C11orf65: variants seen among roughly 807,000 people sequenced by gnomAD.
C11orf65 encodes protein MFI.
A neutral mutation model predicts 35.3 loss-of-function variants in C11orf65; 38 were observed. The ratio of observed to expected loss-of-function variants is 1.08; its 90% CI spans 0.83 to 1.41. The LOEUF (loss-of-function observed/expected upper bound fraction) is 1.41, where lower values mean the gene tolerates loss of function less well. Ranked by LOEUF, C11orf65 falls within the 40% of genes most tolerant of loss-of-function variation. The probability of loss-of-function intolerance (pLI) is 0.00; values close to 1 mark genes in which losing one functional copy is unlikely to be tolerated. For missense variants in C11orf65, 370 were observed against 367.1 expected (o/e 1.01, Z -0.06); for synonymous variants, 105 against 114.4 (o/e 0.92, Z 0.53).
At chr11:108,457,254 A>G (rs1049376424) in intron 2 of C11orf65, among the ~76,000 whole-genome samples, 3 of 152,186 alleles carry the variant, frequency 2.0e-5, no homozygotes, top group Non-Finnish European at 4.4e-5. Context: ...TCTTTGCAGA[A>G]AGCCAACAGA....
rs971053386 is a variant in C11orf65 at position 108,382,930 on chromosome 11, A to T, written c.*91T>A. ...GATTCTGTGCCCAGAATATATACAC[A>T]AGTTATTCCAGTCAGAATACACTAT... On this transcript the variant is annotated 3_prime_UTR_variant, in exon 9 of 9. Coordinates refer to ENST00000393084, the MANE Select transcript of C11orf65 (RefSeq NM_152587.5). 3 of 1,571,122 alleles carry T rather than the reference A, an allele frequency of 1.9e-6. No homozygotes were observed. In the African/African-American group the frequency reaches 4.1e-5, roughly 22 times the overall value.
At chr11:108,430,378 A>T (rs2092969328) in intron 3 of C11orf65, among the ~76,000 whole-genome samples, 1 of 148,098 alleles carries the variant, frequency 6.8e-6, no homozygotes, top group Non-Finnish European at 1.5e-5. Context: ...TGACCTCGTG[A>T]TCCGCCCGCC....
At chr11:108,315,082 A>G (rs1453469321) in intron 6 of C11orf65, among the ~76,000 whole-genome samples, 2 of 152,228 alleles carry the variant, frequency 1.3e-5, no homozygotes, top group Non-Finnish European at 2.9e-5. Context: ...CAGTAAACAC[A>G]GTGAAAAAAT....
At chr11:108,351,653 C>T (rs1167834554) in intron 2 of C11orf65, among the ~76,000 whole-genome samples, 1 of 152,112 alleles carries the variant, frequency 6.6e-6, no homozygotes, top group Non-Finnish European at 1.5e-5. Context: ...GTGTCCTGGA[C>T]CTACTCAGCA....
downstream of C11orf65, among the ~76,000 whole-genome samples, chr11:108,381,744 T>C (rs1470250561): frequency 6.6e-6 from 1 of 152,248 alleles, no homozygotes; most frequent in Non-Finnish European, 1.5e-5. Context: ...AGATTGTTCC[T>C]TTTCTCTTTG....
At chr11:108,332,927 T>C (rs2136576845) in intron 3 of C11orf65, 1 of 1,604,048 alleles carries the variant, frequency 6.2e-7, no homozygotes, top group Non-Finnish European at 8.5e-7. Flanking sequence ...GAAGAAACGT[T>C]ACTTTCTTGC....
At chr11:108,440,942 G>A (rs1367793786) in intron 2 of C11orf65, among the ~76,000 whole-genome samples, 1 of 152,192 alleles carries the variant, frequency 6.6e-6, no homozygotes, top group Non-Finnish European at 1.5e-5. Context: ...GCATTTCCAA[G>A]TGAGGTACCG....
At chr11:108,341,438 A>G (rs552884812) in intron 2 of C11orf65, among the ~76,000 whole-genome samples, 1 of 152,266 alleles carries the variant, frequency 6.6e-6, no homozygotes, top group South Asian at 2.1e-4. Flanking sequence ...CACCAGAATG[A>G]AACTTTATGA....
intron 6 of C11orf65, among the ~76,000 whole-genome samples, chr11:108,313,180 GTGCTT>G (rs1294931420): frequency 2.0e-5 from 3 of 152,108 alleles, no homozygotes. Flanking sequence ...AATTCTTCCT[GTGCTT>G]TGTTTTTTTA....
chr11:108,390,387 C>T (rs540981105), intron 7 of C11orf65, among the ~76,000 whole-genome samples: 1 of 152,246 alleles, frequency 6.6e-6, no homozygotes, highest in South Asian at 2.1e-4. Context: ...CGGATGATGG[C>T]GGGGAAAGTC....
Position 108,456,198 on chromosome 11 carries a change from T to C in C11orf65, c.81+5281A>G, listed in dbSNP as rs538131234. Among the ~76,000 whole-genome samples the C allele has an allele frequency of 9.2e-5, 14 of 152,128 alleles. No individual in the cohort carries two copies. The South Asian group carries it at 2.7e-3, about 29-fold the overall frequency. ...ACACAAATAGACCAATGCAACAGAA[T>C]AGACACTATAGAAACACTTTACATA... On this transcript the variant is annotated intron_variant, in intron 2 of 8. Transcript: ENST00000393084.
In C11orf65 at chr11:108,383,099, T is replaced by C. The variant is rs760850796; in HGVS notation, c.864A>G (p.Pro288=). The C allele has an allele frequency of 1.2e-6, 2 of 1,612,124 alleles. No homozygotes were observed. The highest frequency in any genetic ancestry group is 1.7e-6 in the Non-Finnish European group (2 of 1,178,972). Reference sequence around the variant, plus strand: ...AAACATTTTCATAGTAAGTATCATCTGGTATTCCCATTTGCATCTTTGATA... The same window carrying C: ...AAACATTTTCATAGTAAGTATCATCCGGTATTCCCATTTGCATCTTTGATA... The part of the protein sequence containing the change: ...GDISKMQMGI[P]DDTYYENVYQ... Residue 288 remains proline (P), a synonymous_variant, in exon 9 of 9, where the codon CCA becomes CCG. Coordinates refer to ENST00000393084, the MANE Select transcript of C11orf65 (RefSeq NM_152587.5).
At chr11:108,346,499 G>GTT (rs879675361) in intron 2 of C11orf65, 2 of 135,194 alleles carry the variant, frequency 1.5e-5, no homozygotes, top group Non-Finnish European at 3.2e-5. Flanking sequence ...TCTATTTGTT[G>GTT]TTTTTTTTTT....
At chr11:108,379,714 G>A (rs187507504), downstream of C11orf65, among the ~76,000 whole-genome samples, 7 of 151,822 alleles carry the variant, frequency 4.6e-5, no homozygotes, top group East Asian at 1.4e-3. Context: ...GCCTGCTAAG[G>A]GACTTCTACA....
chr11:108,402,091 G>A (rs975758723), intron 6 of C11orf65, among the ~76,000 whole-genome samples: 3 of 152,172 alleles, frequency 2.0e-5, no homozygotes, highest in Non-Finnish European at 4.4e-5. Context: ...AGTGGACCTT[G>A]TACCTCTGTC....
intron 2 of C11orf65, among the ~76,000 whole-genome samples, chr11:108,370,615 TTG>T (rs2091540136): frequency 6.6e-6 from 1 of 151,056 alleles, no homozygotes; most frequent in South Asian, 2.1e-4. Context: ...CTGCAGGGTT[TTG>T]TTTTGTTTTT....
At chr11:108,312,964 C>A (rs1157474268) in intron 6 of C11orf65, among the ~76,000 whole-genome samples, 1 of 152,166 alleles carries the variant, frequency 6.6e-6, no homozygotes, top group Non-Finnish European at 1.5e-5. Flanking sequence ...TCCACAATGA[C>A]AATTTCAGCT....
chr11:108,459,726 T>TACACAC (rs60928526), intron 2 of C11orf65, among the ~76,000 whole-genome samples: 6,131 of 138,586 alleles, frequency 0.044, 188 homozygotes, highest in East Asian at 0.12. Flanking sequence ...GTCCTCCGTC[T>TACACAC]ACACACACAC....
chr11:108,316,168 T>C, intron 6 of C11orf65: 1 of 1,471,636 alleles, frequency 6.8e-7, no homozygotes. Flanking sequence ...CTGAGGTTAT[T>C]TCAGTATGTT....
Sources: gnomAD v4.1 joint callset for allele counts (sites outside exome capture counted in the v4.1 genomes callset) on GRCh38, gnomAD v4.1.1 for gene constraint, MANE v1.5 for transcripts, NCBI Gene and HGNC (gene_info 2026-07-23, HGNC 2026-07-21) for gene names.